The following UBE2E2 variants were observed in gnomAD, a reference collection of about 807,000 sequenced individuals.
UBE2E2 encodes ubiquitin-conjugating enzyme E2 E2.
In UBE2E2, 6 loss-of-function variants were observed where a neutral mutation model predicts 24.7. That is an observed-to-expected ratio of 0.24 (90% confidence interval 0.13 to 0.48). The LOEUF (loss-of-function observed/expected upper bound fraction) is 0.48. Among genes scored for constraint, UBE2E2 ranks in the 20% least tolerant of loss-of-function variants. The pLI is 0.99. For synonymous variants in UBE2E2, 104 were observed against 83.6 expected, an observed-to-expected ratio of 1.24 and a Z score of -1.33; for missense variants, 169 against 245.0, an observed-to-expected ratio of 0.69 and a Z score of 2.07.
intron 3 of UBE2E2, among the ~76,000 whole-genome samples, chr3:23,444,010 G>T (rs899309153): frequency 6.6e-6 from 1 of 151,432 alleles, no homozygotes; most frequent in African/African-American, 2.4e-5. Context: ...TGACCGTGAG[G>T]CAGTAATTGA....
intron 3 of UBE2E2, among the ~76,000 whole-genome samples, chr3:23,290,983 C>T (rs2032934781): frequency 6.7e-6 from 1 of 148,700 alleles, no homozygotes; most frequent in South Asian, 2.1e-4. Flanking sequence ...GTGGGAAGAT[C>T]GCTTGAGCCT....
intron 3 of UBE2E2, among the ~76,000 whole-genome samples, chr3:23,325,238 A>G (rs957427993): frequency 2.6e-5 from 4 of 152,064 alleles, no homozygotes; most frequent in Non-Finnish European, 5.9e-5. Context: ...TTCCTTTGGG[A>G]CAAGGATTTA....
At chr3:23,424,999 A>G (rs1697890010) in intron 3 of UBE2E2, among the ~76,000 whole-genome samples, 1 of 152,186 alleles carries the variant, frequency 6.6e-6, no homozygotes, top group African/African-American at 2.4e-5. Flanking sequence ...AACTTAAATT[A>G]TATACAAAGT....
At chr3:23,533,182 A>G (rs529894158) in intron 5 of UBE2E2, among the ~76,000 whole-genome samples, 1 of 152,220 alleles carries the variant, frequency 6.6e-6, no homozygotes, top group Non-Finnish European at 1.5e-5. Context: ...GGTCTGTTCT[A>G]GGAAATACCC....
intron 3 of UBE2E2, among the ~76,000 whole-genome samples, chr3:23,484,786 G>A (rs1407201850): frequency 1.3e-5 from 2 of 152,186 alleles, no homozygotes; most frequent in East Asian, 3.9e-4. Context: ...GAGAGCTTAT[G>A]CAGGGGAACT....
chr3:23,385,780 C>T (rs1466293807), intron 3 of UBE2E2, among the ~76,000 whole-genome samples: 1 of 152,186 alleles, frequency 6.6e-6, no homozygotes, highest in Non-Finnish European at 1.5e-5. Context: ...TGGCTTCTCA[C>T]AGATTGTTGC....
intron 3 of UBE2E2, among the ~76,000 whole-genome samples, chr3:23,415,959 T>C (rs948545051): frequency 3.3e-5 from 5 of 152,018 alleles, no homozygotes; most frequent in Admixed American, 1.3e-4. Context: ...GTGTTCTCAT[T>C]GTTCAACTCC....
chr3:23,358,960 C>G (rs960301944), intron 3 of UBE2E2, among the ~76,000 whole-genome samples: 1 of 152,170 alleles, frequency 6.6e-6, no homozygotes, highest in African/African-American at 2.4e-5. Context: ...GTGTTAGAAG[C>G]AAAATTTGAA....
chr3:23,392,220 G>A (rs557148640), intron 3 of UBE2E2, among the ~76,000 whole-genome samples: 7 of 152,206 alleles, frequency 4.6e-5, no homozygotes, highest in Admixed American at 6.5e-5. Flanking sequence ...ATGGCCTAGC[G>A]AATAATATAT....
intron 5 of UBE2E2, among the ~76,000 whole-genome samples, chr3:23,551,723 G>A (rs964573221): frequency 5.9e-5 from 9 of 152,276 alleles, no homozygotes; most frequent in Middle Eastern, 3.4e-3. Flanking sequence ...TGACTAGAGG[G>A]CCTTGCATGG....
intron 5 of UBE2E2, among the ~76,000 whole-genome samples, chr3:23,552,865 C>G (rs1044166087): frequency 6.6e-6 from 1 of 152,118 alleles, no homozygotes; most frequent in Non-Finnish European, 1.5e-5. Context: ...TGTCTTTATT[C>G]CATGCTGTTT....
chr3:23,361,608 G>A (rs1016724560), intron 3 of UBE2E2, among the ~76,000 whole-genome samples: 1 of 152,202 alleles, frequency 6.6e-6, no homozygotes, highest in Non-Finnish European at 1.5e-5. Context: ...GTTCTCATTT[G>A]TAAGTGGAAG....
chr3:23,477,113 T>C (rs1043733506), intron 3 of UBE2E2, among the ~76,000 whole-genome samples: 7 of 151,104 alleles, frequency 4.6e-5, no homozygotes, highest in Non-Finnish European at 1.0e-4. Context: ...AGTGAATAAA[T>C]TGTTAGCCTA....
At chr3:23,385,561 G>T (rs1402008079) in intron 3 of UBE2E2, among the ~76,000 whole-genome samples, 2 of 152,192 alleles carry the variant, frequency 1.3e-5, no homozygotes, top group African/African-American at 4.8e-5. Context: ...AATGTCAGGT[G>T]TATCTCACAG....
At chr3:23,265,857 T>G (rs1343479206) in intron 3 of UBE2E2, among the ~76,000 whole-genome samples, 1 of 152,236 alleles carries the variant, frequency 6.6e-6, no homozygotes, top group African/African-American at 2.4e-5. Context: ...ATATGTAGGA[T>G]AGTTAGCTCT....
chr3:23,315,941 C>T (rs547296510), intron 3 of UBE2E2, among the ~76,000 whole-genome samples: 2 of 152,218 alleles, frequency 1.3e-5, no homozygotes, highest in South Asian at 2.1e-4. Flanking sequence ...GGCAGAGACT[C>T]TTGTTTTCTT....
chr3:23,249,309 T>C (rs1411911178), intron 3 of UBE2E2, among the ~76,000 whole-genome samples: 1 of 150,718 alleles, frequency 6.6e-6, no homozygotes, highest in Non-Finnish European at 1.5e-5. Flanking sequence ...GAGTAAGATA[T>C]GACTTTACCA....
intron 3 of UBE2E2, among the ~76,000 whole-genome samples, chr3:23,448,674 G>T (rs1051880882): frequency 6.6e-6 from 1 of 152,122 alleles, no homozygotes; most frequent in African/African-American, 2.4e-5. Flanking sequence ...ACCTAATTTT[G>T]TATAAAATAC....
intron 3 of UBE2E2, among the ~76,000 whole-genome samples, chr3:23,484,190 T>C (rs892378730): frequency 3.9e-5 from 6 of 152,244 alleles, no homozygotes; most frequent in Admixed American, 6.5e-5. Flanking sequence ...TAGCCTGTTA[T>C]GCTTTATCTC....
Sources: gnomAD v4.1 joint callset for allele counts (sites outside exome capture counted in the v4.1 genomes callset) on GRCh38, gnomAD v4.1.1 for gene constraint, MANE v1.5 for transcripts, NCBI Gene and HGNC (gene_info 2026-07-23, HGNC 2026-07-21) for gene names.